LRRCC1: variants seen among roughly 807,000 people sequenced by gnomAD.
LRRCC1 encodes leucine-rich repeat and coiled-coil domain-containing protein 1.
In LRRCC1, 115 loss-of-function variants were observed where a neutral mutation model predicts 126.0. The observed-to-expected ratio is 0.91, with a 90% CI of 0.78 to 1.07. The LOEUF is 1.07. Among genes scored for constraint, LRRCC1 ranks in the 50% least tolerant of loss-of-function variants. LRRCC1 has a pLI of 0.00. For synonymous variants in LRRCC1, 400 were observed against 393.4 expected, an observed-to-expected ratio of 1.02 and a Z score of -0.20; for missense variants, 1,172 against 1,175.7, an observed-to-expected ratio of 1.00 and a Z score of 0.05.
At chr8:85,107,459 T>A in intron 1 of LRRCC1, 60 bp downstream of exon 1, 1 of 1,438,220 alleles carries the variant, frequency 7.0e-7, no homozygotes. Flanking sequence ...GGGCCACGAG[T>A]GGCTGGCGGC....
At chr8:85,123,349 T>G in intron 6 of LRRCC1, 64 bp from the exon 7 acceptor site, 2 of 1,059,564 alleles carry the variant, frequency 1.9e-6, no homozygotes, top group South Asian at 1.4e-5. Context: ...TTTCAGAAGA[T>G]TTCCAATTTC....
chr8:85,125,622 G>A lies in LRRCC1; in HGVS notation c.1272+683G>A, dbSNP rs1200858300. Among the ~76,000 whole-genome samples, 13 of 120,422 alleles carry A rather than the reference G, an allele frequency of 1.1e-4. No individual in the cohort carries two copies. The South Asian group carries it at 2.9e-3, about 27-fold the overall frequency. The allele number at this position is 120,422 out of a possible 152,430, so 79.0% of individuals were successfully genotyped here. A position where few individuals can be genotyped will look rare whatever the true frequency, so the allele number is the denominator to read the frequency against. ...CGGGAGGCGGAGCTTGCAGTGAGCC[G>A]AGATCCCGCCACTGCACTCCAGCCT... is the stretch of plus-strand genomic sequence containing the variant. On this transcript the variant is annotated intron_variant, in intron 8 of 18. Transcript: ENST00000360375.
chr8:85,144,474 AT>A (rs56095819), intron 18 of LRRCC1, among the ~76,000 whole-genome samples: 31 of 46,868 alleles, frequency 6.6e-4, no homozygotes, highest in South Asian at 1.6e-3. Flanking sequence ...ATATATATAT[AT>A]TTTTTTTTTT....
At chr8:85,142,640 G>A (rs1811332546) in intron 18 of LRRCC1, among the ~76,000 whole-genome samples, 1 of 151,988 alleles carries the variant, frequency 6.6e-6, no homozygotes, top group Admixed American at 6.6e-5. Flanking sequence ...GACCAGCCTG[G>A]CCAACAAGGT....
intron 14 of LRRCC1, among the ~76,000 whole-genome samples, chr8:85,136,406 C>T (rs1287730949): frequency 1.3e-5 from 2 of 151,914 alleles, no homozygotes; most frequent in African/African-American, 2.4e-5. Context: ...TCCCGAGTAG[C>T]TGGGATTACA....
At position 85,126,595 on chromosome 8, in the gene LRRCC1, G is replaced by A. The variant is rs1053987907; in HGVS notation, c.1273-94G>A. 11 of 995,258 alleles carry A rather than the reference G, an allele frequency of 1.1e-5. No individual in the cohort carries two copies. In the African/African-American group the frequency reaches 1.5e-4, roughly 13 times the overall value. The allele number at this position is 995,258 out of a possible 1,614,324, so 61.7% of individuals were successfully genotyped here. On this transcript the variant is annotated intron_variant, in intron 8 of 18. Coordinates refer to ENST00000360375, the MANE Select transcript of LRRCC1 (RefSeq NM_033402.5). ...GTTTCACTGTAGCTCTTTGAAGTAG[G>A]TACTATTATTCCCCTGTTATAAATG... is the stretch of plus-strand genomic sequence containing the variant.
rs1045195382 is a variant in LRRCC1, at chr8:85,135,115, G to A, written c.2154+83G>A. 2.7e-5 allele frequency: 27 copies of A among 994,100 alleles called. No homozygotes were observed. In the South Asian group the frequency reaches 4.2e-4, roughly 16 times the overall value. 61.6% of individuals were successfully genotyped at this position (994,100 alleles called of 1,614,324 possible). A position where few individuals can be genotyped will look rare whatever the true frequency, so the allele number is the denominator to read the frequency against. ...GTTGTGATAAATTTAGGAAGTACAC[G>A]AAAGGAACTTTTAAATGATACTAAT... On this transcript the variant is annotated intron_variant, in intron 13 of 18. Transcript: ENST00000360375.
chr8:85,117,151 GTAGA>G (rs1809186150), intron 6 of LRRCC1, among the ~76,000 whole-genome samples: 3 of 152,296 alleles, frequency 2.0e-5, no homozygotes, highest in South Asian at 4.1e-4. Context: ...GCCCAATCAA[GTAGA>G]TAGAGATTAA....
At chr8:85,131,192 T>G (rs1397738661) in intron 11 of LRRCC1, among the ~76,000 whole-genome samples, 1 of 152,226 alleles carries the variant, frequency 6.6e-6, no homozygotes, top group African/African-American at 2.4e-5. Flanking sequence ...GTACTTTGTT[T>G]CCTTTACAGG....
rs1346500733 is a variant in LRRCC1 at position 85,138,100 on chromosome 8, C to T, written c.2559C>T (p.Cys853=). ...AAAAGATCACAGAAATAGAAAAATG[C>T]ACTCAAGAACAACTTGATGAAAAAT... ...LQEKITEIEK[C]TQEQLDEKSS... The change falls in exon 16 of 19, where the codon TGC becomes TGT. Residue 853 remains cysteine (C), a synonymous_variant. Coordinates refer to ENST00000360375, the MANE Select transcript of LRRCC1 (RefSeq NM_033402.5). 1 of 1,602,442 alleles carries T rather than the reference C, an allele frequency of 6.2e-7. No homozygotes were observed. The highest frequency in any genetic ancestry group is 8.5e-7 in the Non-Finnish European group (1 of 1,173,742).
chr8:85,145,631 G>GAA lies in LRRCC1; in HGVS notation c.*121_*122dup. ...TGTCTCTTTCTATACATTTCATTAT[G>GAA]AATATATTTTTAAAGACTTTTGATC... On this transcript the variant is annotated 3_prime_UTR_variant, in exon 19 of 19. Transcript: ENST00000360375. 1.3e-6 allele frequency: 1 copy of GAA among 754,278 alleles called. No homozygotes were observed. 46.7% of individuals were successfully genotyped at this position (754,278 alleles called of 1,614,324 possible).
intron 4 of LRRCC1, among the ~76,000 whole-genome samples, chr8:85,114,277 T>C (rs1318969157): frequency 2.0e-5 from 3 of 151,898 alleles, no homozygotes; most frequent in Admixed American, 2.0e-4. Context: ...GTTTCTACAA[T>C]TTGAATCTTT....
chr8:85,114,481 TA>T (rs1207523082), intron 4 of LRRCC1, among the ~76,000 whole-genome samples: 1 of 152,106 alleles, frequency 6.6e-6, no homozygotes, highest in Non-Finnish European at 1.5e-5. Flanking sequence ...TACTTAGTTT[TA>T]AAATTACATT....
rs1161715034 is a variant in LRRCC1 at position 85,129,181 on chromosome 8, G to A, written c.1428G>A (p.Lys476=). 6.2e-7 allele frequency: 1 copy of A among 1,604,706 alleles called. No homozygotes were observed. Among genetic ancestry groups the A allele is most frequent in the Non-Finnish European group, 8.5e-7 (1 of 1,175,490 alleles). Residue 476 remains lysine (K), a synonymous_variant, in exon 10 of 19, where the codon AAG becomes AAA. Transcript: ENST00000360375. ...CATATAACTTCTGCTTTAGGCTAAA[G>A]GAAATTATTTTTAGAGAGAGAAATT... is the stretch of plus-strand genomic sequence containing the variant. ...SLALLTTDRL[K]EIIFRERNSK...
In LRRCC1 at chr8:85,130,036, GCA is replaced by G; in HGVS notation, c.1745_1746del (p.Ala582ValfsTer11). ...EQAQQLHQLL[A>X]LKEQEHRKEL... is the part of the protein sequence containing the mutation. Reference sequence around the variant, plus strand: ...AGCGCAACAACTTCATCAACTTCTTGCATTGAAAGAACAGGAACACAGGTAAA... The same window carrying G: ...AGCGCAACAACTTCATCAACTTCTTGTTGAAAGAACAGGAACACAGGTAAA... On this transcript the variant is annotated frameshift_variant, in exon 11 of 19. Coordinates refer to ENST00000360375, the MANE Select transcript of LRRCC1 (RefSeq NM_033402.5). LOFTEE classifies it high-confidence loss of function. The G allele has an allele frequency of 6.3e-7, 1 of 1,592,410 alleles. No homozygotes were observed. Among genetic ancestry groups the G allele is most frequent in the Non-Finnish European group, 8.5e-7 (1 of 1,172,070 alleles).
At chr8:85,131,681 A>G (rs959623012) in intron 11 of LRRCC1, 79 bp from the exon 12 acceptor site, 1 of 1,064,972 alleles carries the variant, frequency 9.4e-7, no homozygotes, top group Admixed American at 2.5e-5. Flanking sequence ...ATAGAATATT[A>G]AGAACTACGT....
intron 8 of LRRCC1, 121 bp downstream of exon 8, chr8:85,125,060 G>A (rs1809868279): frequency 1.6e-6 from 1 of 618,532 alleles, no homozygotes; most frequent in Non-Finnish European, 2.7e-6. Flanking sequence ...GATGAAAATG[G>A]GTTATTTTTT....
At chr8:85,139,052 GA>G (rs950797647) in intron 17 of LRRCC1, among the ~76,000 whole-genome samples, 6 of 144,936 alleles carry the variant, frequency 4.1e-5, no homozygotes, top group Admixed American at 1.4e-4. Flanking sequence ...GTCTCAAAAA[GA>G]AAAAAAAAAG....
intron 7 of LRRCC1, 90 bp from the exon 8 acceptor site, chr8:85,124,702 G>A (rs1809834110): frequency 2.7e-6 from 2 of 742,434 alleles, no homozygotes. Context: ...TTAAAAAGCT[G>A]TTTGCATATA....
Sources: gnomAD v4.1 joint callset for allele counts (sites outside exome capture counted in the v4.1 genomes callset) on GRCh38, gnomAD v4.1.1 for gene constraint, MANE v1.5 for transcripts, NCBI Gene and HGNC (gene_info 2026-07-23, HGNC 2026-07-21) for gene names.